Variants in ZCCHC24 observed in about 807,000 individuals in gnomAD.
ZCCHC24 encodes zinc finger CCHC domain-containing protein 24.
ZCCHC24 carries 10 observed loss-of-function variants against 26.2 expected under a neutral mutation model. The observed-to-expected ratio is 0.38, with a 90% CI of 0.24 to 0.65. The LOEUF (loss-of-function observed/expected upper bound fraction) is 0.65, where lower values mean the gene tolerates loss of function less well. Among genes scored for constraint, ZCCHC24 ranks in the 30% least tolerant of loss-of-function variants. The pLI is 0.54. For missense variants in ZCCHC24, 243 were observed against 329.1 expected, an observed-to-expected ratio of 0.74 and a Z score of 2.03; for synonymous variants, 144 against 147.1, an observed-to-expected ratio of 0.98 and a Z score of 0.15.
chr10:79,410,689 GC>G (rs764514868), intron 2 of ZCCHC24, among the ~76,000 whole-genome samples: 10 of 151,928 alleles, frequency 6.6e-5, no homozygotes, highest in Non-Finnish European at 1.2e-4. Flanking sequence ...GCGAAAGTCT[GC>G]CTGGCATTGT....
chr10:79,442,382 C>A (rs1857301440), intron 1 of ZCCHC24, among the ~76,000 whole-genome samples: 1 of 152,236 alleles, frequency 6.6e-6, no homozygotes, highest in Non-Finnish European at 1.5e-5. Flanking sequence ...GTGTGCCACT[C>A]AGAACCGTTG....
At chr10:79,413,342 C>T (rs1856816625) in intron 2 of ZCCHC24, among the ~76,000 whole-genome samples, 1 of 152,272 alleles carries the variant, frequency 6.6e-6, no homozygotes, top group Non-Finnish European at 1.5e-5. Flanking sequence ...TGACTCCAGC[C>T]CAGCCTCTGC....
chr10:79,429,263 T>C (rs189314439), intron 2 of ZCCHC24, among the ~76,000 whole-genome samples: 52 of 152,304 alleles, frequency 3.4e-4, no homozygotes, highest in Admixed American at 2.4e-3. Context: ...TGAGTGGTTA[T>C]GGATGCGAGG....
intron 2 of ZCCHC24, among the ~76,000 whole-genome samples, chr10:79,407,257 G>T (rs1016222972): frequency 6.6e-6 from 1 of 152,222 alleles, no homozygotes; most frequent in East Asian, 1.9e-4. Flanking sequence ...TCCCAGAGGA[G>T]CACTCGGTGG....
intron 2 of ZCCHC24, among the ~76,000 whole-genome samples, chr10:79,425,648 G>A (rs1174392688): frequency 1.3e-5 from 2 of 152,064 alleles, no homozygotes; most frequent in Non-Finnish European, 2.9e-5. Flanking sequence ...CACTTCTCTG[G>A]GTCTCAGTTT....
At position 79,382,993 on chromosome 10, in the gene ZCCHC24, CT is replaced by C. The variant is rs774451853; in HGVS notation, c.*3351del. 4 of 152,628 alleles carry C rather than the reference CT, an allele frequency of 2.6e-5. No individual in the cohort carries two copies. The highest frequency in any genetic ancestry group is 4.4e-5 in the Non-Finnish European group (3 of 68,042). 9.5% of individuals were successfully genotyped at this position (152,628 alleles called of 1,614,324 possible). ...TCTTCCCCTTGCCCACTCCCTGTCC[CT>C]CTACAAAATTAATAAAACCGTAATA... is the stretch of plus-strand genomic sequence containing the variant. On this transcript the variant is annotated 3_prime_UTR_variant, in exon 4 of 4. Coordinates refer to ENST00000372336, the MANE Select transcript of ZCCHC24 (RefSeq NM_153367.4).
chr10:79,400,473 C>T (rs1309878940), intron 2 of ZCCHC24, among the ~76,000 whole-genome samples: 3 of 152,176 alleles, frequency 2.0e-5, no homozygotes, highest in East Asian at 1.9e-4. Flanking sequence ...CGAAGATAAC[C>T]GCTGCACAAG....
chr10:79,424,468 C>A (rs1856999133), intron 2 of ZCCHC24, among the ~76,000 whole-genome samples: 1 of 152,236 alleles, frequency 6.6e-6, no homozygotes. Flanking sequence ...TCACTGGGCA[C>A]CACGGCCCAT....
At chr10:79,416,611 G>A (rs920735413) in intron 2 of ZCCHC24, among the ~76,000 whole-genome samples, 8 of 152,208 alleles carry the variant, frequency 5.3e-5, no homozygotes, top group African/African-American at 1.7e-4. Context: ...GGTACATGGA[G>A]GATGCTCAGT....
At chr10:79,388,234 A>G (rs1221459029) in intron 3 of ZCCHC24, among the ~76,000 whole-genome samples, 1 of 152,150 alleles carries the variant, frequency 6.6e-6, no homozygotes, top group East Asian at 1.9e-4. Context: ...GGCATGCAGA[A>G]GCTGTCTGTC....
At chr10:79,434,137 T>A (rs894928365) in intron 1 of ZCCHC24, among the ~76,000 whole-genome samples, 1 of 152,234 alleles carries the variant, frequency 6.6e-6, no homozygotes, top group Non-Finnish European at 1.5e-5. Flanking sequence ...CCGTCTCGTG[T>A]GCATCTGGAT....
chr10:79,400,537 A>G (rs993090022), intron 2 of ZCCHC24, among the ~76,000 whole-genome samples: 1 of 152,254 alleles, frequency 6.6e-6, no homozygotes, highest in African/African-American at 2.4e-5. Flanking sequence ...ACTGTTGATG[A>G]TCTTACTTCT....
intron 2 of ZCCHC24, among the ~76,000 whole-genome samples, chr10:79,430,601 C>G (rs1305400000): frequency 6.6e-6 from 1 of 151,820 alleles, no homozygotes; most frequent in African/African-American, 2.4e-5. Flanking sequence ...TGCCAGGGAC[C>G]TTCTGCCCCA....
intron 2 of ZCCHC24, among the ~76,000 whole-genome samples, chr10:79,428,120 G>C (rs1857059048): frequency 1.3e-5 from 2 of 152,206 alleles, no homozygotes; most frequent in African/African-American, 4.8e-5. Context: ...AAGCAATCCA[G>C]TTGTCCATTG....
chr10:79,405,596 CT>C (rs1856700960), intron 2 of ZCCHC24, among the ~76,000 whole-genome samples: 2 of 152,348 alleles, frequency 1.3e-5, no homozygotes, highest in East Asian at 3.9e-4. Context: ...TGGCCCCTGG[CT>C]CTGTGTCTGA....
At chr10:79,421,899 G>A (rs1007204225) in intron 2 of ZCCHC24, among the ~76,000 whole-genome samples, 2 of 152,146 alleles carry the variant, frequency 1.3e-5, no homozygotes, top group Non-Finnish European at 2.9e-5. Flanking sequence ...AAAGTGCTGG[G>A]ATTACAGGCA....
intron 1 of ZCCHC24, among the ~76,000 whole-genome samples, chr10:79,436,896 T>A (rs965156176): frequency 2.6e-5 from 4 of 152,168 alleles, no homozygotes; most frequent in African/African-American, 9.7e-5. Context: ...CTTTCCTCCC[T>A]AGGTCAGTGA....
chr10:79,425,262 T>C (rs900722822), intron 2 of ZCCHC24, among the ~76,000 whole-genome samples: 4 of 152,154 alleles, frequency 2.6e-5, no homozygotes, highest in African/African-American at 9.7e-5. Context: ...CCAGCAGATA[T>C]CAACCATGCC....
chr10:79,403,649 C>A (rs1856669269), intron 2 of ZCCHC24: 1 of 968,376 alleles, frequency 1.0e-6, no homozygotes, highest in South Asian at 4.8e-5. Flanking sequence ...CACAGCCGTC[C>A]TCGCCTCCTT....
Sources: gnomAD v4.1 joint callset for allele counts (sites outside exome capture counted in the v4.1 genomes callset) on GRCh38, gnomAD v4.1.1 for gene constraint, MANE v1.5 for transcripts, NCBI Gene and HGNC (gene_info 2026-07-23, HGNC 2026-07-21) for gene names.